The following GPC5 variants were observed in gnomAD, a reference collection of about 807,000 sequenced individuals.
The protein encoded by GPC5 is glypican 5.
GPC5 carries 47 observed loss-of-function variants against 53.9 expected under a neutral mutation model. The observed-to-expected ratio is 0.87, with a 90% confidence interval of 0.69 to 1.11. GPC5 has a LOEUF of 1.11. GPC5 is among the 50% of genes most tolerant of loss of function. The probability of loss-of-function intolerance (pLI) is 0.00; values close to 1 mark genes in which losing one functional copy is unlikely to be tolerated. For missense variants in GPC5, 748 were observed against 713.1 expected (o/e 1.05, Z -0.56); for synonymous variants, 286 against 263.3 (o/e 1.09, Z -0.84).
At chr13:91,414,092 A>G (rs759648802) in intron 1 of GPC5, among the ~76,000 whole-genome samples, 4 of 152,110 alleles carry the variant, frequency 2.6e-5, no homozygotes, top group African/African-American at 4.8e-5. Context: ...TACTGCCTCA[A>G]TGATATAGTT....
At chr13:92,311,086 T>C (rs2043142027) in intron 7 of GPC5, among the ~76,000 whole-genome samples, 2 of 152,218 alleles carry the variant, frequency 1.3e-5, no homozygotes, top group South Asian at 4.1e-4. Context: ...AGAGCCACTT[T>C]ATATCTTTTA....
At chr13:92,376,528 G>A (rs994430889) in intron 7 of GPC5, among the ~76,000 whole-genome samples, 3 of 152,160 alleles carry the variant, frequency 2.0e-5, no homozygotes, top group Non-Finnish European at 4.4e-5. Flanking sequence ...TCTGGTCTTA[G>A]ACTGTTGACG....
intron 6 of GPC5, among the ~76,000 whole-genome samples, chr13:92,112,799 G>T (rs980727887): frequency 6.6e-6 from 1 of 152,078 alleles, no homozygotes; most frequent in African/African-American, 2.4e-5. Flanking sequence ...AGGTTGAAAA[G>T]CCAGTAGGGA....
chr13:92,655,344 T>A (rs75534918), intron 7 of GPC5, among the ~76,000 whole-genome samples: 47 of 137,738 alleles, frequency 3.4e-4, no homozygotes, highest in African/African-American at 1.1e-3. Context: ...ATTTTTATTT[T>A]ATTTTTTGAG....
intron 7 of GPC5, among the ~76,000 whole-genome samples, chr13:92,527,527 A>T (rs1246918838): frequency 6.6e-6 from 1 of 152,094 alleles, no homozygotes; most frequent in African/African-American, 2.4e-5. Flanking sequence ...GCTTGAGAAG[A>T]GTAAAATCAC....
chr13:92,279,686 T>C (rs2042900329), intron 7 of GPC5, among the ~76,000 whole-genome samples: 1 of 151,978 alleles, frequency 6.6e-6, no homozygotes, highest in Non-Finnish European at 1.5e-5. Context: ...TGGTCATGAG[T>C]TTTCCTTGGT....
intron 2 of GPC5, among the ~76,000 whole-genome samples, chr13:91,481,942 A>T (rs1305891910): frequency 6.6e-6 from 1 of 152,190 alleles, no homozygotes; most frequent in Non-Finnish European, 1.5e-5. Flanking sequence ...GGTCCACTAG[A>T]CACTCTTTCG....
intron 5 of GPC5, among the ~76,000 whole-genome samples, chr13:91,850,646 G>A (rs761433353): frequency 6.6e-6 from 1 of 151,726 alleles, no homozygotes; most frequent in African/African-American, 2.4e-5. Context: ...ATAGAATTAG[G>A]TCCTCTTCCT....
intron 5 of GPC5, among the ~76,000 whole-genome samples, chr13:91,906,991 T>TTATA (rs1049179013): frequency 2.0e-5 from 3 of 148,284 alleles, no homozygotes; most frequent in African/African-American, 7.4e-5. Flanking sequence ...TTTATATATT[T>TTATA]TATATATATA....
chr13:92,282,711 C>T (rs1162955400), intron 7 of GPC5, among the ~76,000 whole-genome samples: 1 of 152,092 alleles, frequency 6.6e-6, no homozygotes, highest in Non-Finnish European at 1.5e-5. Flanking sequence ...TTGTCACCAC[C>T]AGGCCTGCCC....
In GPC5 at chr13:92,089,769, G is replaced by C. The variant is rs1337787728; in HGVS notation, c.1402-55061G>C. On this transcript the variant is annotated intron_variant, in intron 6 of 7. Coordinates refer to ENST00000377067, the MANE Select transcript of GPC5 (RefSeq NM_004466.6). ...ACAATGAAAAGAATATTGCCTTAGA[G>C]ATCTTCCATTAATTATTCAGTTCCC... 2.0e-5 allele frequency among the ~76,000 whole-genome samples: 3 copies of C among 152,150 alleles called. No homozygotes were observed. The East Asian group carries it at 5.8e-4, about 29-fold the overall frequency.
At chr13:92,580,535 T>A (rs999579332) in intron 7 of GPC5, among the ~76,000 whole-genome samples, 2 of 152,152 alleles carry the variant, frequency 1.3e-5, no homozygotes, top group African/African-American at 2.4e-5. Context: ...GTAATTTACA[T>A]GTAAAATAAG....
intron 7 of GPC5, among the ~76,000 whole-genome samples, chr13:92,747,954 T>G (rs151159445): frequency 1.3e-3 from 193 of 152,316 alleles, no homozygotes; most frequent in Non-Finnish European, 2.0e-3. Flanking sequence ...TTTTCCACAG[T>G]TAAAAATTAT....
At chr13:91,973,203 T>C (rs1472614763) in intron 6 of GPC5, among the ~76,000 whole-genome samples, 1 of 152,174 alleles carries the variant, frequency 6.6e-6, no homozygotes, top group Non-Finnish European at 1.5e-5. Context: ...CCTTCTTGCT[T>C]CATTTCATTC....
chr13:91,746,988 G>T (rs369051167), intron 4 of GPC5, among the ~76,000 whole-genome samples: 2 of 152,092 alleles, frequency 1.3e-5, no homozygotes, highest in South Asian at 2.1e-4. Context: ...GTCTTTAGCT[G>T]CTTGTTAGTT....
At chr13:92,307,178 A>G (rs1196394362) in intron 7 of GPC5, among the ~76,000 whole-genome samples, 1 of 152,206 alleles carries the variant, frequency 6.6e-6, no homozygotes, top group Non-Finnish European at 1.5e-5. Context: ...CTCAGCCATT[A>G]GATTATTCCT....
intron 6 of GPC5, among the ~76,000 whole-genome samples, chr13:92,137,871 A>G (rs1472170018): frequency 6.6e-6 from 1 of 152,198 alleles, no homozygotes; most frequent in East Asian, 1.9e-4. Context: ...TGGGGTTTTA[A>G]GTTTTAAAAA....
At chr13:92,330,141 G>T (rs950592923) in intron 7 of GPC5, among the ~76,000 whole-genome samples, 1 of 152,176 alleles carries the variant, frequency 6.6e-6, no homozygotes. Flanking sequence ...GGAGAAAAGA[G>T]AATGTGTTTA....
intron 6 of GPC5, among the ~76,000 whole-genome samples, chr13:92,007,458 T>A (rs2040617507): frequency 6.6e-6 from 1 of 152,200 alleles, no homozygotes; most frequent in Admixed American, 6.5e-5. Flanking sequence ...TTTGCCCTTT[T>A]GTCATTATAA....
Sources: allele counts gnomAD v4.1 joint callset (sites outside exome capture counted in the v4.1 genomes callset), GRCh38; gene constraint gnomAD v4.1.1; transcripts MANE v1.5; gene names NCBI Gene and HGNC (gene_info 2026-07-23, HGNC 2026-07-21).